FGF14: variants seen among roughly 807,000 people sequenced by gnomAD.
The protein encoded by FGF14 is fibroblast growth factor 14.
FGF14 carries 5 observed loss-of-function variants against 25.5 expected under a neutral mutation model. The observed-to-expected ratio is 0.20, with a 90% CI of 0.10 to 0.41. FGF14 has a LOEUF of 0.41. Among genes scored for constraint, FGF14 ranks in the 10% least tolerant of loss-of-function variants. The pLI, the probability that FGF14 is intolerant of heterozygous loss-of-function variation, is 1.00. For missense variants in FGF14, 222 were observed against 320.1 expected (o/e 0.69, Z 2.34); for synonymous variants, 138 against 118.3 (o/e 1.17, Z -1.08).
At chr13:101,771,764 C>T (rs1384065669) in intron 3 of FGF14, among the ~76,000 whole-genome samples, 1 of 151,894 alleles carries the variant, frequency 6.6e-6, no homozygotes, top group African/African-American at 2.4e-5. Flanking sequence ...ATTCTGCATA[C>T]TTGGTTTTAG....
intron 1 of FGF14, among the ~76,000 whole-genome samples, chr13:101,895,337 A>G (rs1179271616): frequency 6.6e-6 from 1 of 152,156 alleles, no homozygotes; most frequent in Non-Finnish European, 1.5e-5. Flanking sequence ...TTAGTCCTTT[A>G]TAAGTATAAA....
At chr13:102,289,840 G>T (rs2141256269) in intron 1 of FGF14, among the ~76,000 whole-genome samples, 1 of 151,986 alleles carries the variant, frequency 6.6e-6, no homozygotes, top group Admixed American at 6.6e-5. Flanking sequence ...TTAATACCAT[G>T]GTTACCTTGT....
At chr13:102,370,272 T>C (rs2057838800) in intron 1 of FGF14, among the ~76,000 whole-genome samples, 1 of 152,218 alleles carries the variant, frequency 6.6e-6, no homozygotes, top group Non-Finnish European at 1.5e-5. Flanking sequence ...ATTACAATTG[T>C]GGGCCACCAT....
At chr13:101,983,874 C>G (rs1409609798) in intron 1 of FGF14, among the ~76,000 whole-genome samples, 1 of 152,174 alleles carries the variant, frequency 6.6e-6, no homozygotes, top group Admixed American at 6.5e-5. Context: ...GCCTTACTAG[C>G]TGGGCTCCCC....
intron 1 of FGF14, among the ~76,000 whole-genome samples, chr13:102,396,616 T>C (rs1595056389): frequency 6.6e-6 from 1 of 152,212 alleles, no homozygotes; most frequent in Non-Finnish European, 1.5e-5. Flanking sequence ...AAGTATAGTA[T>C]AGAATTAGCT....
chr13:101,739,307 T>C (rs549681955), intron 3 of FGF14, among the ~76,000 whole-genome samples: 1 of 152,152 alleles, frequency 6.6e-6, no homozygotes, highest in South Asian at 2.1e-4. Context: ...GCCATCACTG[T>C]TCTTGATCTT....
chr13:102,195,554 A>G (rs988633754), intron 1 of FGF14, among the ~76,000 whole-genome samples: 1 of 151,246 alleles, frequency 6.6e-6, no homozygotes, highest in African/African-American at 2.4e-5. Flanking sequence ...TTTAGCATAA[A>G]AGAAGAAAAT....
intron 1 of FGF14, among the ~76,000 whole-genome samples, chr13:102,107,766 G>T (rs995545979): frequency 6.6e-6 from 1 of 152,158 alleles, no homozygotes; most frequent in Non-Finnish European, 1.5e-5. Context: ...GGCATTCTGG[G>T]CAGATGGAAT....
chr13:102,200,593 G>T (rs1192614630), intron 1 of FGF14, among the ~76,000 whole-genome samples: 1 of 149,112 alleles, frequency 6.7e-6, no homozygotes, highest in African/African-American at 2.5e-5. Context: ...ATTGGGAAAT[G>T]CAGGTCTTCT....
At position 101,715,179 on chromosome 13, in the gene FGF14, C is replaced by T. The variant is rs778061299; in HGVS notation, c.*7652G>A. On this transcript the variant is annotated 3_prime_UTR_variant, in exon 5 of 5. Transcript: ENST00000376143. ...CTTTGCTTTCTGCCCATCCTTACTA[C>T]GTAAGACTCTCTTCACGGATTACTT... 9.2e-5 allele frequency: 17 copies of T among 184,226 alleles called. No individual in the cohort carries two copies. Among genetic ancestry groups the T allele is most frequent in the African/African-American group, 2.1e-4 (9 of 42,210 alleles). The allele number at this position is 184,226 out of a possible 1,614,324, so 11.4% of individuals were successfully genotyped here. A position where few individuals can be genotyped will look rare whatever the true frequency, so the allele number is the denominator to read the frequency against.
intron 1 of FGF14, among the ~76,000 whole-genome samples, chr13:102,185,467 A>G (rs1278313424): frequency 1.3e-5 from 2 of 152,144 alleles, no homozygotes; most frequent in African/African-American, 4.8e-5. Flanking sequence ...ATTTTAATCC[A>G]TGTTAAAGGA....
chr13:102,095,191 TA>T (rs1415396247), intron 1 of FGF14, among the ~76,000 whole-genome samples: 1 of 152,152 alleles, frequency 6.6e-6, no homozygotes, highest in Non-Finnish European at 1.5e-5. Flanking sequence ...GGAAATTATT[TA>T]AAATATTGTG....
At chr13:102,199,068 T>A (rs530868963) in intron 1 of FGF14, among the ~76,000 whole-genome samples, 8 of 152,364 alleles carry the variant, frequency 5.3e-5, no homozygotes, top group Admixed American at 2.0e-4. Flanking sequence ...ATTATTTCAC[T>A]ACTACAAATA....
intron 1 of FGF14, among the ~76,000 whole-genome samples, chr13:101,938,424 C>A (rs1382446067): frequency 6.6e-6 from 1 of 152,128 alleles, no homozygotes; most frequent in Non-Finnish European, 1.5e-5. Context: ...GTTTATAATT[C>A]TTTCCTCAGC....
chr13:101,837,308 C>T (rs1030175606), intron 3 of FGF14, among the ~76,000 whole-genome samples: 2 of 151,970 alleles, frequency 1.3e-5, no homozygotes, highest in African/African-American at 4.8e-5. Context: ...TCTGGCCTAA[C>T]TAAAAAAATG....
intron 1 of FGF14, among the ~76,000 whole-genome samples, chr13:102,047,668 G>A (rs764860893): frequency 5.9e-5 from 9 of 152,016 alleles, no homozygotes; most frequent in African/African-American, 1.7e-4. Context: ...ATCACACACC[G>A]GGGCCTGTTG....
At chr13:102,304,159 G>A (rs1161077928) in intron 1 of FGF14, among the ~76,000 whole-genome samples, 4 of 151,942 alleles carry the variant, frequency 2.6e-5, no homozygotes, top group African/African-American at 4.8e-5. Flanking sequence ...TTTCTCTAAT[G>A]ATAAATAGCA....
At chr13:102,136,660 GGAAA>G (rs915819457) in intron 1 of FGF14, among the ~76,000 whole-genome samples, 3 of 102,448 alleles carry the variant, frequency 2.9e-5, no homozygotes, top group African/African-American at 4.8e-5. Flanking sequence ...AAATTCTATG[GGAAA>G]AAAAAAAAAA....
intron 1 of FGF14, among the ~76,000 whole-genome samples, chr13:101,905,967 G>A (rs1477735642): frequency 6.6e-6 from 1 of 152,078 alleles, no homozygotes; most frequent in African/African-American, 2.4e-5. Context: ...CCTGTTGTTG[G>A]GAGAAGTATG....
Sources: gnomAD v4.1 joint callset for allele counts (sites outside exome capture counted in the v4.1 genomes callset) on GRCh38, gnomAD v4.1.1 for gene constraint, MANE v1.5 for transcripts, NCBI Gene and HGNC (gene_info 2026-07-23, HGNC 2026-07-21) for gene names.